The following GRID2 variants were observed in gnomAD, a reference collection of about 807,000 sequenced individuals.
The protein encoded by GRID2 is glutamate receptor ionotropic, delta-2.
A neutral mutation model predicts 114.8 loss-of-function variants in GRID2; 33 were observed. The ratio of observed to expected loss-of-function variants is 0.29; its 90% CI spans 0.22 to 0.38. The LOEUF (loss-of-function observed/expected upper bound fraction) is 0.38. GRID2 is among the 10% of genes least tolerant of loss of function. The pLI is 1.00. For missense variants in GRID2, 1,184 were observed against 1,257.7 expected, an observed-to-expected ratio of 0.94 and a Z score of 0.89; for synonymous variants, 505 against 449.9, an observed-to-expected ratio of 1.12 and a Z score of -1.55.
At chr4:93,119,132 G>C (rs1733545794) in intron 4 of GRID2, among the ~76,000 whole-genome samples, 1 of 151,980 alleles carries the variant, frequency 6.6e-6, no homozygotes, top group Non-Finnish European at 1.5e-5. Flanking sequence ...TACATTAAAT[G>C]TCTACACTTA....
intron 8 of GRID2, among the ~76,000 whole-genome samples, chr4:93,327,657 A>C (rs1757981157): frequency 6.6e-6 from 1 of 151,480 alleles, no homozygotes; most frequent in Non-Finnish European, 1.5e-5. Context: ...TAAATACTGC[A>C]TGTTCTCACT....
intron 1 of GRID2, among the ~76,000 whole-genome samples, chr4:92,456,829 C>T (rs1721240128): frequency 6.6e-6 from 1 of 152,162 alleles, no homozygotes; most frequent in Non-Finnish European, 1.5e-5. Context: ...ATGATAACAA[C>T]TACTAGTCAT....
At chr4:93,599,377 C>T (rs576235506) in intron 13 of GRID2, among the ~76,000 whole-genome samples, 34 of 152,302 alleles carry the variant, frequency 2.2e-4, no homozygotes, top group African/African-American at 8.2e-4. Flanking sequence ...TTCAGGTGTA[C>T]TTCAGGTAAA....
chr4:93,347,258 A>G (rs1579764075), intron 8 of GRID2, among the ~76,000 whole-genome samples: 2 of 152,082 alleles, frequency 1.3e-5, no homozygotes, highest in Admixed American at 1.3e-4. Flanking sequence ...GTACTTAAAT[A>G]TTATCATTTA....
At chr4:92,501,354 G>A (rs991624855) in intron 1 of GRID2, among the ~76,000 whole-genome samples, 2 of 152,132 alleles carry the variant, frequency 1.3e-5, no homozygotes, top group Non-Finnish European at 2.9e-5. Context: ...CTTAAAGTAT[G>A]TTCTAGGCAC....
rs200784450 is a variant in GRID2 at position 93,199,229 on chromosome 4, G to A, written c.736-8175G>A. Among the ~76,000 whole-genome samples, 31 of 152,278 alleles carry A rather than the reference G, an allele frequency of 2.0e-4. No individual in the cohort carries two copies. In the East Asian group the frequency reaches 2.5e-3, roughly 12 times the overall value. ...CAGCAGAAACTCACAGAGAATTAAA[G>A]ACAGTAACACAGTGGTTTCTGACAC... is the stretch of plus-strand genomic sequence containing the variant. On this transcript the variant is annotated intron_variant, in intron 4 of 15. Transcript: ENST00000282020.
At chr4:92,796,047 A>G (rs1739851368) in intron 2 of GRID2, among the ~76,000 whole-genome samples, 1 of 151,906 alleles carries the variant, frequency 6.6e-6, no homozygotes, top group South Asian at 2.1e-4. Context: ...GACTGGATGG[A>G]ATTATGGATT....
intron 1 of GRID2, among the ~76,000 whole-genome samples, chr4:92,380,749 G>A (rs1230398690): frequency 6.6e-6 from 1 of 151,972 alleles, no homozygotes; most frequent in Non-Finnish European, 1.5e-5. Flanking sequence ...AACAGCGTTA[G>A]TTCACTCTTC....
chr4:92,815,370 A>C (rs1740844486), intron 2 of GRID2, among the ~76,000 whole-genome samples: 1 of 152,158 alleles, frequency 6.6e-6, no homozygotes, highest in African/African-American at 2.4e-5. Flanking sequence ...AAAATTAATA[A>C]AATGGGCTTG....
chr4:92,748,879 G>A (rs1474952191), intron 2 of GRID2, among the ~76,000 whole-genome samples: 1 of 151,862 alleles, frequency 6.6e-6, no homozygotes, highest in Non-Finnish European at 1.5e-5. Context: ...GGCCAGGCAG[G>A]TCTCGAACTC....
intron 12 of GRID2, among the ~76,000 whole-genome samples, chr4:93,501,853 C>T (rs902962042): frequency 1.3e-5 from 2 of 152,080 alleles, no homozygotes; most frequent in African/African-American, 2.4e-5. Context: ...AAATCCTTCT[C>T]TTTTTCTCTT....
chr4:92,395,217 A>C (rs1730433799), intron 1 of GRID2, among the ~76,000 whole-genome samples: 3 of 151,746 alleles, frequency 2.0e-5, no homozygotes, highest in Non-Finnish European at 3.0e-5. Context: ...TTACAATAAA[A>C]CATAGAATTA....
At chr4:93,332,291 T>TGAGAGAGA (rs1439107466) in intron 8 of GRID2, among the ~76,000 whole-genome samples, 156 of 107,322 alleles carry the variant, frequency 1.5e-3, no homozygotes, top group African/African-American at 6.6e-3. Context: ...TGTGTGTGTG[T>TGAGAGAGA]GTGTGTGTGA....
In GRID2 at chr4:92,411,624, CATGTGTGTGTGT is replaced by C. The variant is rs1315129838; in HGVS notation, c.88+106881_88+106892del. Among the ~76,000 whole-genome samples, 6 of 90,896 alleles carry C rather than the reference CATGTGTGTGTGT, an allele frequency of 6.6e-5. 1 individual carries two copies. The highest frequency in any genetic ancestry group is 8.7e-5 in the Non-Finnish European group (4 of 45,848). 59.6% of individuals were successfully genotyped at this position (90,896 alleles called of 152,430 possible). A position where few individuals can be genotyped will look rare whatever the true frequency, so the allele number is the denominator to read the frequency against. ...TGTGCATTATATATAGATATATATGCATGTGTGTGTGTGTGTGTGTGTGTGTGTGTGTATATA... is the reference window on the plus strand; with the variant it reads ...TGTGCATTATATATAGATATATATGCGTGTGTGTGTGTGTGTGTGTATATA... On this transcript the variant is annotated intron_variant, in intron 1 of 15. Coordinates refer to ENST00000282020, the MANE Select transcript of GRID2 (RefSeq NM_001510.4).
chr4:93,394,071 A>T (rs1337465683), intron 8 of GRID2, among the ~76,000 whole-genome samples: 1 of 151,990 alleles, frequency 6.6e-6, no homozygotes, highest in Non-Finnish European at 1.5e-5. Context: ...AATCCTCTTG[A>T]GGAAGTAATT....
intron 3 of GRID2, among the ~76,000 whole-genome samples, chr4:93,105,228 T>C (rs1294776342): frequency 5.3e-5 from 8 of 152,100 alleles, no homozygotes; most frequent in Non-Finnish European, 8.8e-5. Context: ...GATGAGTAGG[T>C]TGCGAAAATT....
At chr4:92,712,982 A>T (rs1735327186) in intron 2 of GRID2, among the ~76,000 whole-genome samples, 1 of 150,976 alleles carries the variant, frequency 6.6e-6, no homozygotes. Context: ...ATTTGACTTG[A>T]CTTTTTCTTT....
intron 4 of GRID2, among the ~76,000 whole-genome samples, chr4:93,167,948 C>T (rs1738412546): frequency 6.6e-6 from 1 of 152,042 alleles, no homozygotes; most frequent in Non-Finnish European, 1.5e-5. Flanking sequence ...ATTCCCAGCA[C>T]TTTGGGTGAA....
chr4:93,554,901 A>G (rs999512486), intron 13 of GRID2, among the ~76,000 whole-genome samples: 1 of 152,072 alleles, frequency 6.6e-6, no homozygotes, highest in African/African-American at 2.4e-5. Flanking sequence ...TTTCCAACTG[A>G]GGTACTCGGC....
Sources: gnomAD v4.1 joint callset for allele counts (sites outside exome capture counted in the v4.1 genomes callset) on GRCh38, gnomAD v4.1.1 for gene constraint, MANE v1.5 for transcripts, NCBI Gene and HGNC (gene_info 2026-07-23, HGNC 2026-07-21) for gene names.